ZC3H13: variants seen among roughly 807,000 people sequenced by gnomAD.
The protein encoded by ZC3H13 is zinc finger CCCH-type containing 13, also known as zinc finger CCCH domain-containing protein 13.
In ZC3H13, 64 loss-of-function variants were observed where a neutral mutation model predicts 204.1. The observed-to-expected ratio is 0.31, with a 90% CI of 0.26 to 0.39. The LOEUF is 0.39. Ranked by LOEUF, ZC3H13 falls within the 10% of genes least tolerant of loss-of-function variation. The pLI is 1.00. For synonymous variants in ZC3H13, 667 were observed against 693.7 expected (o/e 0.96, Z 0.60); for missense variants, 1,833 against 2,082.7 (o/e 0.88, Z 2.33).
chr13:46,030,262 G>A lies in ZC3H13; in HGVS notation c.340-9705C>T, dbSNP rs1482974728. On this transcript the variant is annotated intron_variant, in intron 4 of 18. Transcript: ENST00000679008. ...AAAGATCATCTACAAAAAACCCTAC[G>A]GCTAACGTCATACCTAATGGTGAAA... Among the ~76,000 whole-genome samples the A allele has an allele frequency of 2.6e-5, 4 of 152,178 alleles. No homozygotes were observed. The East Asian group carries it at 5.8e-4, about 22-fold the overall frequency.
At chr13:45,990,978 T>C (rs936247540) in intron 8 of ZC3H13, among the ~76,000 whole-genome samples, 24 of 152,154 alleles carry the variant, frequency 1.6e-4, no homozygotes, top group African/African-American at 5.8e-4. Context: ...TACTTTGTTT[T>C]ATTTTTTATA....
chr13:45,983,982 C>T (rs1272408047), intron 10 of ZC3H13, among the ~76,000 whole-genome samples: 1 of 152,166 alleles, frequency 6.6e-6, no homozygotes, highest in Admixed American at 6.5e-5. Context: ...GACATATGTA[C>T]ACAGTTATTC....
intron 11 of ZC3H13, among the ~76,000 whole-genome samples, chr13:45,979,400 T>C (rs1953354403): frequency 6.6e-6 from 1 of 152,170 alleles, no homozygotes. Flanking sequence ...TTTTTACTGT[T>C]CCTTTCTGGA....
At chr13:45,965,463 A>T in intron 15 of ZC3H13, 31 bp from the exon 16 acceptor site, 1 of 1,607,714 alleles carries the variant, frequency 6.2e-7, no homozygotes, top group Non-Finnish European at 8.5e-7. Context: ...CAGATCAAAG[A>T]CAACATTAAA....
At chr13:45,960,564 A>G (rs1951607847) in intron 17 of ZC3H13, among the ~76,000 whole-genome samples, 1 of 152,206 alleles carries the variant, frequency 6.6e-6, no homozygotes, top group Admixed American at 6.5e-5. Flanking sequence ...CATGCAAGGT[A>G]GGGGAGAAAA....
intron 1 of ZC3H13, among the ~76,000 whole-genome samples, chr13:46,049,338 A>T (rs1414638564): frequency 2.6e-5 from 4 of 152,110 alleles, no homozygotes; most frequent in Non-Finnish European, 5.9e-5. Context: ...ATGTTCTTTA[A>T]TGTGATATAT....
At chr13:46,015,424 T>C (rs553253215) in intron 5 of ZC3H13, among the ~76,000 whole-genome samples, 4 of 152,330 alleles carry the variant, frequency 2.6e-5, no homozygotes, top group African/African-American at 9.6e-5. Flanking sequence ...TCAAGTATTT[T>C]CTTTTACCAT....
chr13:45,993,347 T>A (rs2040101164), intron 8 of ZC3H13, among the ~76,000 whole-genome samples: 1 of 152,194 alleles, frequency 6.6e-6, no homozygotes, highest in South Asian at 2.1e-4. Flanking sequence ...GGGTGACTAC[T>A]CTAGGTTGCT....
Position 45,985,459 on chromosome 13 carries a change from C to G in ZC3H13, c.1558G>C (p.Asp520His), listed in dbSNP as rs934064631. Residue 520 changes from aspartate to histidine, a missense_variant, in exon 10 of 19, where the codon GAT becomes CAT. Coordinates refer to ENST00000679008, the MANE Select transcript of ZC3H13 (RefSeq NM_001330564.2). The part of the protein sequence containing the change: ...REGRDTHRKE[D>H]TYPEESRSYG... Reference sequence around the variant, plus strand: ...CTCCGGGATTCTTCTGGATATGTATCCTCCTTTCGATGAGTATCTCGACCT... The same window carrying G: ...CTCCGGGATTCTTCTGGATATGTATGCTCCTTTCGATGAGTATCTCGACCT... 3 of 1,614,084 alleles carry G rather than the reference C, an allele frequency of 1.9e-6. No homozygotes were observed. Among genetic ancestry groups the G allele is most frequent in the Admixed American group, 1.7e-5 (1 of 60,004 alleles).
At chr13:46,011,632 A>G (rs559031718) in intron 5 of ZC3H13, 78 bp from the exon 6 acceptor site, 6 of 1,158,398 alleles carry the variant, frequency 5.2e-6, no homozygotes, top group African/African-American at 4.7e-5. Flanking sequence ...TTTTTCAACT[A>G]ATTTCTTACA....
chr13:45,997,554 G>A (rs530455371), intron 8 of ZC3H13, among the ~76,000 whole-genome samples: 15 of 152,282 alleles, frequency 9.9e-5, no homozygotes, highest in South Asian at 2.1e-4. Flanking sequence ...GATACAGAAC[G>A]TTGGACAACT....
At chr13:46,012,348 G>A (rs973968424) in intron 5 of ZC3H13, among the ~76,000 whole-genome samples, 8 of 152,058 alleles carry the variant, frequency 5.3e-5, no homozygotes, top group Admixed American at 5.2e-4. Context: ...GCCTAGAGGT[G>A]GGAATTTCAT....
At chr13:46,023,690 C>A (rs1300523770) in intron 4 of ZC3H13, among the ~76,000 whole-genome samples, 2 of 152,162 alleles carry the variant, frequency 1.3e-5, no homozygotes, top group African/African-American at 2.4e-5. Context: ...CAAATTTGAA[C>A]TATTATTTCA....
intron 8 of ZC3H13, among the ~76,000 whole-genome samples, chr13:46,000,666 G>T (rs1453591211): frequency 6.6e-6 from 1 of 152,128 alleles, no homozygotes; most frequent in Non-Finnish European, 1.5e-5. Flanking sequence ...TGGCTGTTTT[G>T]CTTTCTTCCC....
intron 8 of ZC3H13, among the ~76,000 whole-genome samples, chr13:45,996,827 G>A (rs564561664): frequency 1.3e-5 from 2 of 150,994 alleles, no homozygotes; most frequent in South Asian, 4.2e-4. Flanking sequence ...TGTATGCTGA[G>A]GTTGCAAAAA....
intron 10 of ZC3H13, among the ~76,000 whole-genome samples, 163 bp from the exon 11 acceptor site, chr13:45,980,167 C>A (rs1365645299): frequency 3.3e-5 from 5 of 151,956 alleles, no homozygotes; most frequent in Non-Finnish European, 5.9e-5. Context: ...TCAGAACAAC[C>A]AAGGTGTCCA....
At chr13:45,965,507 A>C in intron 15 of ZC3H13, 75 bp from the exon 16 acceptor site, 8 of 1,492,162 alleles carry the variant, frequency 5.4e-6, no homozygotes, top group Non-Finnish European at 6.4e-6. Flanking sequence ...CAAAAGGTAG[A>C]GGGTACACAC....
At chr13:46,009,487 T>C (rs2041391330) in intron 7 of ZC3H13, among the ~76,000 whole-genome samples, 1 of 152,048 alleles carries the variant, frequency 6.6e-6, no homozygotes, top group Non-Finnish European at 1.5e-5. Flanking sequence ...TTAAGTAGAG[T>C]CTGAAATAGG....
At chr13:45,982,789 A>C (rs1337717075) in intron 10 of ZC3H13, among the ~76,000 whole-genome samples, 1 of 152,220 alleles carries the variant, frequency 6.6e-6, no homozygotes, top group African/African-American at 2.4e-5. Flanking sequence ...TAGTGGCTAT[A>C]GAAAAAACAA....
Sources: allele counts gnomAD v4.1 joint callset (sites outside exome capture counted in the v4.1 genomes callset), GRCh38; gene constraint gnomAD v4.1.1; transcripts MANE v1.5; gene names NCBI Gene and HGNC (gene_info 2026-07-23, HGNC 2026-07-21).